LRRC2: variants seen among roughly 807,000 people sequenced by gnomAD.
The protein encoded by LRRC2 is leucine rich repeat containing 2.
Under a neutral mutation model 40.2 loss-of-function variants are expected in LRRC2, and 27 were observed. The ratio of observed to expected loss-of-function variants is 0.67; its 90% CI spans 0.49 to 0.93. LRRC2 has a LOEUF of 0.93. Ranked by LOEUF, LRRC2 falls within the 40% of genes least tolerant of loss-of-function variation. The pLI is 0.00. For missense variants in LRRC2, 402 were observed against 439.6 expected (o/e 0.91, Z 0.76); for synonymous variants, 147 against 158.9 (o/e 0.92, Z 0.56).
At chr3:46,558,133 G>A (rs1704852169) in intron 1 of LRRC2, 2 of 152,158 alleles carry the variant, frequency 1.3e-5, no homozygotes, top group Non-Finnish European at 2.9e-5. Flanking sequence ...AGATTCCGAT[G>A]GATATTCTCA....
At chr3:46,538,622 G>A (rs565361975) in intron 4 of LRRC2, among the ~76,000 whole-genome samples, 1 of 151,822 alleles carries the variant, frequency 6.6e-6, no homozygotes, top group Non-Finnish European at 1.5e-5. Context: ...CAACAAGAGC[G>A]AAACTCCGTC....
intron 7 of LRRC2, among the ~76,000 whole-genome samples, chr3:46,522,761 ACACACACACACACAC>A (rs1041469258): frequency 6.9e-4 from 2 of 2,886 alleles, no homozygotes; most frequent in Admixed American, 4.8e-3. Flanking sequence ...ACTACTGCTA[ACACACACACACACAC>A]ACACACACAC....
chr3:46,546,974 A>G (rs772054670), intron 2 of LRRC2, among the ~76,000 whole-genome samples: 6 of 152,152 alleles, frequency 3.9e-5, no homozygotes, highest in Non-Finnish European at 8.8e-5. Flanking sequence ...TTTGAAAGGA[A>G]AACATATTCA....
In LRRC2 at chr3:46,515,952, C is replaced by CTCT. The variant is rs1703853353; in HGVS notation, c.*3061_*3062insAGA. 1 of 117,094 alleles carries CTCT rather than the reference C, an allele frequency of 8.5e-6. No individual in the cohort carries two copies. Among genetic ancestry groups the CTCT allele is most frequent in the African/African-American group, 4.2e-5 (1 of 23,984 alleles). The allele number at this position is 117,094 out of a possible 1,614,324, so 7.3% of individuals were successfully genotyped here. ...TTTCCTACTCTTTTCATCTCTCTCT[C>CTCT]TTTTTTTTTTTTTTTTTTTTTTTTT... On this transcript the variant is annotated 3_prime_UTR_variant, in exon 9 of 9. Transcript: ENST00000395905.
At position 46,529,906 on chromosome 3, in the gene LRRC2, T is replaced by C; in HGVS notation, c.772A>G (p.Arg258Gly). The part of the protein sequence containing the change: ...NLTDLPQDID[R>G]LEELQSFLLY... ...TCACCTTAGAATGCAAGTAGCTACC[T>C]GTCTATATCTTGCGGCAGGTCGGTC... The change falls in exon 6 of 9, where the codon AGG becomes GGG. Residue 258 changes from arginine (R) to glycine (G), a missense_variant and splice_region_variant. By Grantham distance (125) the Arg-to-Gly change is moderately radical. Coordinates refer to ENST00000395905, the MANE Select transcript of LRRC2 (RefSeq NM_024512.5). 2 of 1,614,030 alleles carry C rather than the reference T, an allele frequency of 1.2e-6. No homozygotes were observed. Among genetic ancestry groups the C allele is most frequent in the Non-Finnish European group, 1.7e-6 (2 of 1,179,970 alleles).
chr3:46,559,551 T>C (rs745784485), intron 1 of LRRC2: 1 of 152,252 alleles, frequency 6.6e-6, no homozygotes, highest in Non-Finnish European at 1.5e-5. Context: ...GAGCTGTACA[T>C]TAACTGCCCC....
At chr3:46,535,690 A>G (rs762624923) in intron 4 of LRRC2, among the ~76,000 whole-genome samples, 5 of 152,216 alleles carry the variant, frequency 3.3e-5, no homozygotes, top group African/African-American at 1.2e-4. Context: ...TAATTTTAAA[A>G]TATTTTGGGA....
At chr3:46,565,194 G>A (rs565020801) in intron 1 of LRRC2, among the ~76,000 whole-genome samples, 2 of 152,154 alleles carry the variant, frequency 1.3e-5, no homozygotes, top group Admixed American at 6.5e-5. Flanking sequence ...GGGTCCAGAC[G>A]GGATTAAGAG....
chr3:46,541,448 C>T (rs981597001), intron 3 of LRRC2, among the ~76,000 whole-genome samples: 1 of 152,108 alleles, frequency 6.6e-6, no homozygotes, highest in Non-Finnish European at 1.5e-5. Flanking sequence ...TTGCTCTTCT[C>T]CAAAATTCCA....
intron 8 of LRRC2, among the ~76,000 whole-genome samples, chr3:46,521,091 C>A (rs1703956493): frequency 1.3e-5 from 2 of 152,164 alleles, no homozygotes; most frequent in Non-Finnish European, 2.9e-5. Context: ...CCATCCTGTG[C>A]TTTCCCTTTT....
At chr3:46,557,236 T>C (rs1704825491) in intron 1 of LRRC2, among the ~76,000 whole-genome samples, 1 of 152,230 alleles carries the variant, frequency 6.6e-6, no homozygotes, top group African/African-American at 2.4e-5. Context: ...TGACATTACC[T>C]TGTGGAAGTC....
Position 46,532,919 on chromosome 3 carries a change from GA to G in LRRC2, c.491-11del. 1 of 1,612,386 alleles carries G rather than the reference GA, an allele frequency of 6.2e-7. No individual in the cohort carries two copies. On this transcript the variant is annotated splice_polypyrimidine_tract_variant and intron_variant, in intron 4 of 8. Transcript: ENST00000395905. ...AGGTTCTTCAAACAACCTGTCAGCA[GA>G]AAAAGTTAACATCCATTGAATAGGT...
intron 7 of LRRC2, among the ~76,000 whole-genome samples, chr3:46,524,474 C>A (rs771250086): frequency 2.0e-5 from 3 of 152,154 alleles, no homozygotes; most frequent in Admixed American, 6.5e-5. Flanking sequence ...TCTGTCTACA[C>A]CTCCCTGTAC....
rs1186166132 is a variant in LRRC2 at position 46,565,707 on chromosome 3, C to T, written c.-20+470G>A. 2.0e-5 allele frequency among the ~76,000 whole-genome samples: 3 copies of T among 152,196 alleles called. No individual in the cohort carries two copies. The East Asian group carries it at 5.8e-4, about 29-fold the overall frequency. ...TTTCCGCCCTTGCCTCAGGCCTGTC[C>T]CCACCCCAAGCCAGGGGGCGTGAGA... On this transcript the variant is annotated intron_variant, in intron 1 of 8. Coordinates refer to ENST00000395905, the MANE Select transcript of LRRC2 (RefSeq NM_024512.5).
At chr3:46,541,270 T>C (rs1195681962) in intron 3 of LRRC2, among the ~76,000 whole-genome samples, 1 of 150,446 alleles carries the variant, frequency 6.6e-6, no homozygotes, top group East Asian at 2.0e-4. Context: ...GAAGCGGACC[T>C]TGAAGTGAGC....
chr3:46,544,678 C>A (rs1704485994), intron 3 of LRRC2, among the ~76,000 whole-genome samples: 1 of 152,242 alleles, frequency 6.6e-6, no homozygotes, highest in South Asian at 2.1e-4. Context: ...CTTTGCTGCC[C>A]TTCGGCACTT....
chr3:46,535,319 G>C (rs898331926), intron 4 of LRRC2, among the ~76,000 whole-genome samples: 1 of 152,210 alleles, frequency 6.6e-6, no homozygotes, highest in Non-Finnish European at 1.5e-5. Context: ...TCTCAGCCAT[G>C]TGAGAAGGGA....
intron 3 of LRRC2, among the ~76,000 whole-genome samples, chr3:46,540,754 C>G (rs144999802): frequency 1.4e-3 from 212 of 152,336 alleles, no homozygotes; most frequent in African/African-American, 5.0e-3. Flanking sequence ...CTGAAGCCAA[C>G]TACCTAGTTA....
rs1480618898 is a variant in LRRC2 at position 46,545,041 on chromosome 3, C to A, written c.333+5G>T. On this transcript the variant is annotated splice_donor_5th_base_variant and intron_variant, in intron 3 of 8. Coordinates refer to ENST00000395905, the MANE Select transcript of LRRC2 (RefSeq NM_024512.5). ...CTGCATTGGGCGAGAACTGCCTCGACTCACCGTCCAGTGCTCCCCAGAAAG... is the reference window on the plus strand; with the variant it reads ...CTGCATTGGGCGAGAACTGCCTCGAATCACCGTCCAGTGCTCCCCAGAAAG... 6.2e-7 allele frequency: 1 copy of A among 1,612,156 alleles called. No homozygotes were observed. Among genetic ancestry groups the A allele is most frequent in the Non-Finnish European group, 8.5e-7 (1 of 1,179,752 alleles).
Sources: gnomAD v4.1 joint callset for allele counts (sites outside exome capture counted in the v4.1 genomes callset) on GRCh38, gnomAD v4.1.1 for gene constraint, MANE v1.5 for transcripts, NCBI Gene and HGNC (gene_info 2026-07-23, HGNC 2026-07-21) for gene names.